MAD1L1: variants seen among roughly 807,000 people sequenced by gnomAD.
MAD1L1 encodes mitotic arrest deficient 1 like 1.
A neutral mutation model predicts 96.9 loss-of-function variants in MAD1L1; 95 were observed. The ratio of observed to expected loss-of-function variants is 0.98; its 90% confidence interval spans 0.83 to 1.16. The LOEUF is 1.16. Ranked by LOEUF, MAD1L1 falls within the 50% of genes most tolerant of loss-of-function variation. The pLI, the probability that MAD1L1 is intolerant of heterozygous loss-of-function variation, is 0.00. For synonymous variants in MAD1L1, 473 were observed against 396.6 expected, an observed-to-expected ratio of 1.19 and a Z score of -2.29; for missense variants, 1,007 against 954.4, an observed-to-expected ratio of 1.06 and a Z score of -0.73.
At position 2,002,797 on chromosome 7, in the gene MAD1L1, T is replaced by C. The variant is rs530186531; in HGVS notation, c.1360-676A>G. On this transcript the variant is annotated intron_variant, in intron 13 of 18. Coordinates refer to ENST00000265854, the MANE Select transcript of MAD1L1 (RefSeq NM_001013836.2). The stretch of plus-strand genomic sequence containing the variant: ...CCAGGATGTCAGCAGTCCAGCTCCC[T>C]GCTGGGGACAGTGACCCTGCACCCA... Among the ~76,000 whole-genome samples the C allele has an allele frequency of 3.3e-5, 5 of 152,322 alleles. No homozygotes were observed. The South Asian group carries it at 8.3e-4, about 25-fold the overall frequency.
chr7:2,212,937 C>G (rs902629260), intron 10 of MAD1L1, among the ~76,000 whole-genome samples: 1 of 152,260 alleles, frequency 6.6e-6, no homozygotes, highest in Non-Finnish European at 1.5e-5. Flanking sequence ...AGCCCCGCAA[C>G]GCAGGGCAAT....
chr7:1,882,238 G>A (rs968183436), intron 18 of MAD1L1, among the ~76,000 whole-genome samples: 1 of 152,246 alleles, frequency 6.6e-6, no homozygotes, highest in African/African-American at 2.4e-5. Context: ...GTGCCGGGCA[G>A]AGGGCACCTG....
At chr7:2,064,601 T>C (rs1289686397) in intron 12 of MAD1L1, among the ~76,000 whole-genome samples, 1 of 147,776 alleles carries the variant, frequency 6.8e-6, no homozygotes, top group African/African-American at 2.5e-5. Context: ...CTCCCGGGAA[T>C]GTGGCAGCTT....
intron 15 of MAD1L1, among the ~76,000 whole-genome samples, chr7:1,969,094 C>T (rs1780297612): frequency 6.6e-6 from 1 of 152,118 alleles, no homozygotes; most frequent in South Asian, 2.1e-4. Context: ...TTCAAAAAAT[C>T]GACTGTTGGC....
intron 11 of MAD1L1, among the ~76,000 whole-genome samples, chr7:2,092,038 G>T (rs574085115): frequency 6.6e-5 from 10 of 152,168 alleles, no homozygotes; most frequent in African/African-American, 2.4e-4. Context: ...CGATAAGACC[G>T]TGTTTGGCTT....
chr7:2,105,218 G>A (rs1000483628), intron 11 of MAD1L1, among the ~76,000 whole-genome samples: 3 of 152,110 alleles, frequency 2.0e-5, no homozygotes, highest in African/African-American at 4.8e-5. Context: ...GGTCTCTGCC[G>A]ACAAGGGGTT....
intron 17 of MAD1L1, among the ~76,000 whole-genome samples, chr7:1,935,840 C>T (rs888488863): frequency 4.6e-5 from 7 of 152,222 alleles, no homozygotes; most frequent in Non-Finnish European, 8.8e-5. Flanking sequence ...GCAGACACCC[C>T]CAAGGGAGGG....
chr7:2,011,049 GGA>G (rs1782276425), intron 13 of MAD1L1, among the ~76,000 whole-genome samples: 1 of 152,212 alleles, frequency 6.6e-6, no homozygotes, highest in Non-Finnish European at 1.5e-5. Flanking sequence ...GAGGTAGCAG[GGA>G]GAGAGGGAGG....
intron 11 of MAD1L1, among the ~76,000 whole-genome samples, chr7:2,102,471 GCTA>G (rs1162184740): frequency 7.6e-5 from 7 of 92,110 alleles, no homozygotes; most frequent in South Asian, 9.5e-4. Flanking sequence ...CACCACCACT[GCTA>G]CTGTCACCAC....
chr7:1,888,652 G>A lies in MAD1L1; in HGVS notation c.1998+9548C>T, dbSNP rs188121819. 9.0e-3 allele frequency among the ~76,000 whole-genome samples: 1,365 copies of A among 151,842 alleles called. 8 individuals carry two copies. Among genetic ancestry groups the A allele is most frequent in the Non-Finnish European group, 0.011 (744 of 67,904 alleles). The stretch of plus-strand genomic sequence containing the variant: ...CGTGCATGTGGATGCCTGTGTGTGC[G>A]CGCATGTGTGTATGTGGCTGTCTGT... On this transcript the variant is annotated intron_variant, in intron 18 of 18. Coordinates refer to ENST00000265854, the MANE Select transcript of MAD1L1 (RefSeq NM_001013836.2).
In MAD1L1 at chr7:2,115,367, C is replaced by T. The variant is rs1245571090; in HGVS notation, c.1073+33785G>A. Among the ~76,000 whole-genome samples, 5 of 150,124 alleles carry T rather than the reference C, an allele frequency of 3.3e-5. No individual in the cohort carries two copies. The East Asian group carries it at 5.9e-4, about 18-fold the overall frequency. ...CAGAGGAGGCACTGGACAGGGTCCC[C>T]GCGTGTTCCGGGGTCAGAGGAGGCG... On this transcript the variant is annotated intron_variant, in intron 11 of 18. Transcript: ENST00000265854.
At position 1,891,988 on chromosome 7, in the gene MAD1L1, ACACT is replaced by A. The variant is rs369591843; in HGVS notation, c.1998+6208_1998+6211del. 3.6e-3 allele frequency among the ~76,000 whole-genome samples: 553 copies of A among 152,260 alleles called. 3 individuals carry two copies. Among genetic ancestry groups the A allele is most frequent in the African/African-American group, 0.013 (526 of 41,546 alleles). On this transcript the variant is annotated intron_variant, in intron 18 of 18. Coordinates refer to ENST00000265854, the MANE Select transcript of MAD1L1 (RefSeq NM_001013836.2). ...GTGCACACTCATGTCCTAGGCCTTC[ACACT>A]CACTCACCCTCATTCACCAGCTCGC...
At chr7:1,818,030 T>G (rs1645282206) in intron 18 of MAD1L1, among the ~76,000 whole-genome samples, 1 of 152,064 alleles carries the variant, frequency 6.6e-6, no homozygotes, top group Non-Finnish European at 1.5e-5. Flanking sequence ...TTTGGCCTTG[T>G]CATAGTTCAA....
At chr7:2,230,948 C>T (rs1794162154) in intron 1 of MAD1L1, among the ~76,000 whole-genome samples, 2 of 152,210 alleles carry the variant, frequency 1.3e-5, no homozygotes, top group Non-Finnish European at 1.5e-5. Flanking sequence ...GATGCTTTCC[C>T]AGGTTTCTAG....
At chr7:1,819,471 C>T (rs1183583317) in intron 18 of MAD1L1, among the ~76,000 whole-genome samples, 1 of 152,188 alleles carries the variant, frequency 6.6e-6, no homozygotes, top group Non-Finnish European at 1.5e-5. Context: ...TGGCCTGGGG[C>T]TCACCTGCCC....
At chr7:2,209,777 C>T (rs1287720018) in intron 10 of MAD1L1, among the ~76,000 whole-genome samples, 1 of 152,216 alleles carries the variant, frequency 6.6e-6, no homozygotes, top group East Asian at 1.9e-4. Context: ...GCCCAGGGCA[C>T]TCCCAGCCAC....
At chr7:2,107,264 G>A (rs1378394864) in intron 11 of MAD1L1, among the ~76,000 whole-genome samples, 1 of 152,210 alleles carries the variant, frequency 6.6e-6, no homozygotes, top group Non-Finnish European at 1.5e-5. Flanking sequence ...TCCGGTGGCA[G>A]GAAGCCCAGT....
At chr7:2,085,897 C>T (rs1785893760) in intron 11 of MAD1L1, among the ~76,000 whole-genome samples, 1 of 152,234 alleles carries the variant, frequency 6.6e-6, no homozygotes. Flanking sequence ...ACGCTCACGG[C>T]AGATGCAGCT....
intron 10 of MAD1L1, among the ~76,000 whole-genome samples, chr7:2,164,151 G>C (rs140244175): frequency 6.6e-6 from 1 of 152,334 alleles, no homozygotes; most frequent in East Asian, 1.9e-4. Flanking sequence ...ACGAACCGCT[G>C]TATAAACAGA....
Sources: gnomAD v4.1 joint callset for allele counts (sites outside exome capture counted in the v4.1 genomes callset) on GRCh38, gnomAD v4.1.1 for gene constraint, MANE v1.5 for transcripts, NCBI Gene and HGNC (gene_info 2026-07-23, HGNC 2026-07-21) for gene names.